Variants in ARB2A observed in about 807,000 individuals in gnomAD.
The protein encoded by ARB2A is ARB2 cotranscriptional regulator A.
At chr5:93,801,963 A>G in the ARB2A span, among the ~76,000 whole-genome samples, 13 of 152,130 alleles carry the variant, frequency 8.5e-5, no homozygotes, top group Non-Finnish European at 2.9e-5. Context: ...TTTTATTGTT[A>G]TTAGGAAATT....
chr5:93,771,679 T>C, the ARB2A span, among the ~76,000 whole-genome samples: 4 of 152,160 alleles, frequency 2.6e-5, no homozygotes, highest in Admixed American at 6.5e-5. Context: ...AGAAGACATT[T>C]ATGCAGCCAA....
chr5:94,014,426 A>C, the ARB2A span, among the ~76,000 whole-genome samples: 1 of 152,206 alleles, frequency 6.6e-6, no homozygotes, highest in Non-Finnish European at 1.5e-5. Context: ...ATAAAAAACA[A>C]AAGAAGCCAA....
chr5:94,107,619 A>T, the ARB2A span, among the ~76,000 whole-genome samples: 5 of 151,858 alleles, frequency 3.3e-5, no homozygotes, highest in African/African-American at 1.2e-4. Flanking sequence ...TTCTTAACAG[A>T]TTATATTTTA....
chr5:93,974,726 G>T, the ARB2A span, among the ~76,000 whole-genome samples: 1,475 of 151,750 alleles, frequency 9.7e-3, 10 homozygotes, highest in Non-Finnish European at 0.015. Flanking sequence ...TAAATTTTTT[G>T]AAAAAACTAA....
At chr5:93,774,930 A>G in the ARB2A span, among the ~76,000 whole-genome samples, 1 of 152,210 alleles carries the variant, frequency 6.6e-6, no homozygotes, top group Non-Finnish European at 1.5e-5. Context: ...ATTATTTGCT[A>G]ATTCAGTGTT....
At chr5:94,086,455 C>T in the ARB2A span, among the ~76,000 whole-genome samples, 1 of 152,124 alleles carries the variant, frequency 6.6e-6, no homozygotes, top group Non-Finnish European at 1.5e-5. Flanking sequence ...TATAAACAAA[C>T]ATACTGCACT....
chr5:93,662,653 G>C, the ARB2A span, among the ~76,000 whole-genome samples: 1 of 152,088 alleles, frequency 6.6e-6, no homozygotes, highest in African/African-American at 2.4e-5. Flanking sequence ...AATTTTTCAT[G>C]TGTGCCAGGA....
chr5:93,940,572 C>T, the ARB2A span, among the ~76,000 whole-genome samples: 2 of 151,782 alleles, frequency 1.3e-5, no homozygotes, highest in African/African-American at 2.4e-5. Flanking sequence ...CTTCTATTTA[C>T]ATCAAACAGT....
At chr5:93,949,365 A>C in the ARB2A span, among the ~76,000 whole-genome samples, 2 of 151,942 alleles carry the variant, frequency 1.3e-5, no homozygotes, top group African/African-American at 4.8e-5. Context: ...GATCAAGACC[A>C]TCCTGGCCAA....
chr5:93,863,695 ATATCT>A, the ARB2A span: 1 of 152,108 alleles, frequency 6.6e-6, no homozygotes, highest in Admixed American at 6.6e-5. Flanking sequence ...AAATGTTGAA[ATATCT>A]TAGGTTAACA....
At chr5:94,025,542 A>G in the ARB2A span, among the ~76,000 whole-genome samples, 1 of 152,254 alleles carries the variant, frequency 6.6e-6, no homozygotes, top group Non-Finnish European at 1.5e-5. Context: ...GGGGATACCC[A>G]GTCCAATAAC....
At chr5:93,640,962 C>T in the ARB2A span, among the ~76,000 whole-genome samples, 1 of 151,906 alleles carries the variant, frequency 6.6e-6, no homozygotes. Context: ...AGCACTTTTG[C>T]AGGCTGAGGC....
At chr5:93,870,845 T>C in the ARB2A span, among the ~76,000 whole-genome samples, 1 of 152,152 alleles carries the variant, frequency 6.6e-6, no homozygotes, top group Admixed American at 6.5e-5. Flanking sequence ...ATATTATGAG[T>C]GATGAAATGA....
the ARB2A span, among the ~76,000 whole-genome samples, chr5:94,056,326 A>G: frequency 6.6e-6 from 1 of 152,206 alleles, no homozygotes; most frequent in African/African-American, 2.4e-5. Flanking sequence ...CCTGTCAACT[A>G]GAGAACCTGA....
the ARB2A span, among the ~76,000 whole-genome samples, chr5:94,082,570 C>T: frequency 6.6e-6 from 1 of 152,054 alleles, no homozygotes; most frequent in Admixed American, 6.6e-5. Context: ...CATTTAAGTA[C>T]CACTCAAATC....
At chr5:93,970,737 T>C in the ARB2A span, among the ~76,000 whole-genome samples, 1 of 152,222 alleles carries the variant, frequency 6.6e-6, no homozygotes, top group Non-Finnish European at 1.5e-5. Flanking sequence ...ACACTCTGTT[T>C]TCTGCTTGAA....
the ARB2A span, among the ~76,000 whole-genome samples, chr5:93,627,291 T>G: frequency 6.6e-6 from 1 of 152,318 alleles, no homozygotes; most frequent in Middle Eastern, 3.4e-3. Flanking sequence ...CTTGTTCTTA[T>G]TGATATTCTG....
chr5:94,086,499 C>T, the ARB2A span, among the ~76,000 whole-genome samples: 1 of 151,888 alleles, frequency 6.6e-6, no homozygotes, highest in South Asian at 2.1e-4. Context: ...TATACAAATA[C>T]ATATAGTACG....
chr5:93,942,068 C>T, the ARB2A span, among the ~76,000 whole-genome samples: 1 of 152,140 alleles, frequency 6.6e-6, no homozygotes, highest in Admixed American at 6.5e-5. Context: ...AGTTTCTCCC[C>T]GCTCTACCCC....
Sources: gnomAD v4.1 joint callset for allele counts (sites outside exome capture counted in the v4.1 genomes callset) on GRCh38, gnomAD v4.1.1 for gene constraint, MANE v1.5 for transcripts, NCBI Gene and HGNC (gene_info 2026-07-23, HGNC 2026-07-21) for gene names.